ARHGEF4: variants seen among roughly 807,000 people sequenced by gnomAD.
ARHGEF4 encodes APC-stimulated guanine nucleotide exchange factor 1.
In ARHGEF4, 119 loss-of-function variants were observed where a neutral mutation model predicts 162.0. The ratio of observed to expected loss-of-function variants is 0.73; its 90% CI spans 0.63 to 0.86. ARHGEF4 has a LOEUF of 0.86. ARHGEF4 is among the 40% of genes least tolerant of loss of function. The pLI is 0.00. For synonymous variants in ARHGEF4, 1,014 were observed against 979.9 expected (o/e 1.03, Z -0.65); for missense variants, 2,488 against 2,456.0 (o/e 1.01, Z -0.28).
Position 130,997,673 on chromosome 2 carries a change from T to C in ARHGEF4, c.3986-30272T>C, listed in dbSNP as rs867486958. Among the ~76,000 whole-genome samples, 7 of 152,380 alleles carry C rather than the reference T, an allele frequency of 4.6e-5. 1 individual carries two copies. In the Middle Eastern group the frequency reaches 0.014, roughly 296 times the overall value. On this transcript the variant is annotated intron_variant, in intron 4 of 13. Transcript: ENST00000409359. ...AATTCTGCAAGGTTGAAGCTGGTAA[T>C]GAGTGCATAGACTGTATTTTCTGCC...
intron 4 of ARHGEF4, among the ~76,000 whole-genome samples, chr2:131,015,639 C>T (rs1314954250): frequency 6.6e-6 from 1 of 152,168 alleles, no homozygotes; most frequent in African/African-American, 2.4e-5. Context: ...CTTGGAATCC[C>T]AGCACTTTGG....
rs958681166 is a variant in ARHGEF4, at chr2:130,884,043, A to C, written c.40-29943A>C. On this transcript the variant is annotated intron_variant, in intron 1 of 13. Coordinates refer to ENST00000409359, the MANE Select transcript of ARHGEF4 (RefSeq NM_001367493.1). ...CATCGTCAACATTATATATCCTCCT[A>C]CTGATTTTATGCAAAGTTATTTTAT... Among the ~76,000 whole-genome samples the C allele has an allele frequency of 2.1e-4, 32 of 152,118 alleles. 1 individual carries two copies. The highest frequency in any genetic ancestry group is 7.0e-4 in the African/African-American group (29 of 41,424).
intron 1 of ARHGEF4, among the ~76,000 whole-genome samples, chr2:130,897,282 C>T (rs1680216597): frequency 1.3e-5 from 2 of 152,228 alleles, no homozygotes; most frequent in African/African-American, 4.8e-5. Flanking sequence ...GAGCTGTTGG[C>T]TGCAGCTCTG....
Position 130,900,129 on chromosome 2 carries a change from T to C in ARHGEF4, c.40-13857T>C, listed in dbSNP as rs1429108930. Among the ~76,000 whole-genome samples, 6 of 152,182 alleles carry C rather than the reference T, an allele frequency of 3.9e-5. No homozygotes were observed. In the East Asian group the frequency reaches 1.2e-3, roughly 29 times the overall value. ...TTGTGTTAAATTTGTTGAGGTTTGT[T>C]TTGTGACCCAGGAGGTTTATTTCGG... is the stretch of plus-strand genomic sequence containing the variant. On this transcript the variant is annotated intron_variant, in intron 1 of 13. Coordinates refer to ENST00000409359, the MANE Select transcript of ARHGEF4 (RefSeq NM_001367493.1).
At chr2:131,022,223 G>T (rs1352651856) in intron 4 of ARHGEF4, among the ~76,000 whole-genome samples, 2 of 152,130 alleles carry the variant, frequency 1.3e-5, no homozygotes, top group Non-Finnish European at 2.9e-5. Flanking sequence ...AGAAGAATTG[G>T]TGTTGATTAT....
At position 130,992,564 on chromosome 2, in the gene ARHGEF4, G is replaced by C. The variant is rs181930547; in HGVS notation, c.3986-35381G>C. Among the ~76,000 whole-genome samples, 127 of 152,052 alleles carry C rather than the reference G, an allele frequency of 8.4e-4. 1 individual carries two copies. Among genetic ancestry groups the C allele is most frequent in the African/African-American group, 3.0e-3 (124 of 41,448 alleles). The stretch of plus-strand genomic sequence containing the variant: ...AACCGGGCGGGAACACCAGAAGGAA[G>C]AAACTCCGAACCTATCCGACCATCA... On this transcript the variant is annotated intron_variant, in intron 4 of 13. Coordinates refer to ENST00000409359, the MANE Select transcript of ARHGEF4 (RefSeq NM_001367493.1).
At chr2:131,011,229 G>A (rs1688430089) in intron 4 of ARHGEF4, among the ~76,000 whole-genome samples, 2 of 152,272 alleles carry the variant, frequency 1.3e-5, no homozygotes, top group African/African-American at 2.4e-5. Flanking sequence ...AATAGTCCAG[G>A]CATTTTAGCA....
At chr2:131,023,450 G>C (rs1358955288) in intron 4 of ARHGEF4, among the ~76,000 whole-genome samples, 1 of 151,866 alleles carries the variant, frequency 6.6e-6, no homozygotes, top group African/African-American at 2.4e-5. Context: ...ATAGGCAAAA[G>C]ACATAAAGAG....
intron 4 of ARHGEF4, among the ~76,000 whole-genome samples, chr2:130,988,203 G>A (rs1253765255): frequency 6.6e-6 from 1 of 152,180 alleles, no homozygotes; most frequent in East Asian, 1.9e-4. Context: ...GAGTGCCCTG[G>A]GAGTCTGGCA....
intron 1 of ARHGEF4, among the ~76,000 whole-genome samples, chr2:130,867,370 T>C (rs1202328401): frequency 1.3e-5 from 2 of 151,934 alleles, no homozygotes; most frequent in African/African-American, 4.8e-5. Flanking sequence ...TCTTGAGTAC[T>C]GGGATTACAG....
intron 3 of ARHGEF4, among the ~76,000 whole-genome samples, chr2:130,940,941 C>G (rs934068209): frequency 6.6e-6 from 1 of 151,610 alleles, no homozygotes; most frequent in South Asian, 2.1e-4. Context: ...TTACAGTAGT[C>G]AGAAAACAGT....
intron 4 of ARHGEF4, chr2:130,963,556 A>C (rs1444610534): frequency 2.7e-5 from 4 of 148,738 alleles, no homozygotes. Flanking sequence ...GTCCTAACAC[A>C]CGCGTGCGGA....
chr2:131,037,557 C>T (rs1286780514), intron 5 of ARHGEF4, among the ~76,000 whole-genome samples: 1 of 152,082 alleles, frequency 6.6e-6, no homozygotes, highest in Non-Finnish European at 1.5e-5. Context: ...ACAGCCAGTG[C>T]CAACACCTGG....
intron 1 of ARHGEF4, among the ~76,000 whole-genome samples, chr2:130,861,106 G>A (rs1574112526): frequency 8.9e-5 from 4 of 44,842 alleles, no homozygotes; most frequent in Non-Finnish European, 1.1e-4. Context: ...GGTACAAAAA[G>A]ACAAAACACA....
At chr2:131,015,583 A>T (rs59009170) in intron 4 of ARHGEF4, among the ~76,000 whole-genome samples, 6,438 of 152,232 alleles carry the variant, frequency 0.042, 200 homozygotes, top group South Asian at 0.14. Flanking sequence ...TATCAAAAAT[A>T]ATCTTTTTAA....
At chr2:130,993,042 T>A (rs1048455193) in intron 4 of ARHGEF4, among the ~76,000 whole-genome samples, 1 of 152,164 alleles carries the variant, frequency 6.6e-6, no homozygotes, top group African/African-American at 2.4e-5. Flanking sequence ...TGAGATAGCG[T>A]CAGTGCACTC....
intron 1 of ARHGEF4, among the ~76,000 whole-genome samples, chr2:130,892,828 A>C (rs1384423766): frequency 6.6e-6 from 1 of 152,134 alleles, no homozygotes; most frequent in African/African-American, 2.4e-5. Flanking sequence ...GTCTGCTGCC[A>C]TTCAGGGTGC....
intron 13 of ARHGEF4, chr2:131,045,815 C>T: frequency 1.4e-6 from 2 of 1,431,638 alleles, no homozygotes; most frequent in South Asian, 3.0e-5. Flanking sequence ...CAGGCCACCC[C>T]CCTCTTCAGG....
chr2:130,907,582 A>T (rs1232301752), intron 1 of ARHGEF4, among the ~76,000 whole-genome samples: 1 of 151,908 alleles, frequency 6.6e-6, no homozygotes, highest in Non-Finnish European at 1.5e-5. Flanking sequence ...TAATTTGTTT[A>T]TCCATTCAAC....
Sources: allele counts gnomAD v4.1 joint callset (sites outside exome capture counted in the v4.1 genomes callset), GRCh38; gene constraint gnomAD v4.1.1; transcripts MANE v1.5; gene names NCBI Gene and HGNC (gene_info 2026-07-23, HGNC 2026-07-21).